ZBTB7C: variants seen among roughly 807,000 people sequenced by gnomAD.
ZBTB7C encodes zinc finger and BTB domain containing 7C, also known as zinc finger and BTB domain-containing protein 7C.
In ZBTB7C, 8 loss-of-function variants were observed where a neutral mutation model predicts 25.7. The ratio of observed to expected loss-of-function variants is 0.31; its 90% CI spans 0.18 to 0.56. ZBTB7C has a LOEUF of 0.56. Ranked by LOEUF, ZBTB7C falls within the 20% of genes least tolerant of loss-of-function variation. The pLI is 0.91. For synonymous variants in ZBTB7C, 394 were observed against 369.0 expected (o/e 1.07, Z -0.78); for missense variants, 824 against 855.2 (o/e 0.96, Z 0.46).
intron 1 of ZBTB7C, among the ~76,000 whole-genome samples, chr18:48,397,840 G>A (rs1473444860): frequency 2.0e-5 from 3 of 152,132 alleles, no homozygotes; most frequent in African/African-American, 7.2e-5. Context: ...CACGTCTTGG[G>A]CTTCTCCTGA....
intron 3 of ZBTB7C, among the ~76,000 whole-genome samples, chr18:48,042,299 A>G (rs1233584638): frequency 1.3e-5 from 2 of 152,196 alleles, no homozygotes; most frequent in Non-Finnish European, 2.9e-5. Flanking sequence ...AAATCAGAAC[A>G]ACAACAACAA....
At chr18:48,079,718 G>A (rs890144244) in intron 3 of ZBTB7C, among the ~76,000 whole-genome samples, 1 of 152,254 alleles carries the variant, frequency 6.6e-6, no homozygotes, top group Non-Finnish European at 1.5e-5. Context: ...GAGAAGGGGT[G>A]GGCTCCAGCC....
intron 3 of ZBTB7C, among the ~76,000 whole-genome samples, chr18:48,164,601 G>A (rs1463071528): frequency 6.6e-6 from 1 of 152,134 alleles, no homozygotes; most frequent in East Asian, 1.9e-4. Context: ...GCACTTGGAT[G>A]ATGCATTTTC....
At chr18:48,341,391 G>C (rs917370658) in intron 1 of ZBTB7C, among the ~76,000 whole-genome samples, 1 of 152,242 alleles carries the variant, frequency 6.6e-6, no homozygotes, top group African/African-American at 2.4e-5. Flanking sequence ...TGAAGATTTA[G>C]CTGCAGAAAA....
chr18:48,078,998 C>A (rs576522589), intron 3 of ZBTB7C, among the ~76,000 whole-genome samples: 2 of 152,148 alleles, frequency 1.3e-5, no homozygotes, highest in African/African-American at 4.8e-5. Context: ...TTGTGAATAG[C>A]GCTGCTGTGA....
chr18:48,308,970 C>G (rs1314510115), intron 2 of ZBTB7C, among the ~76,000 whole-genome samples: 2 of 152,118 alleles, frequency 1.3e-5, no homozygotes, highest in Non-Finnish European at 2.9e-5. Flanking sequence ...TGGGCTGGGA[C>G]CCCAGGAGCC....
At chr18:48,078,227 C>G (rs1433117119) in intron 3 of ZBTB7C, among the ~76,000 whole-genome samples, 2 of 152,230 alleles carry the variant, frequency 1.3e-5, no homozygotes, top group African/African-American at 2.4e-5. Context: ...TGCAATATAT[C>G]AGGTCCTGTA....
intron 3 of ZBTB7C, among the ~76,000 whole-genome samples, chr18:48,062,224 G>A (rs1037083037): frequency 3.3e-5 from 5 of 152,186 alleles, no homozygotes; most frequent in Non-Finnish European, 7.4e-5. Flanking sequence ...TGTGAAACAT[G>A]CCATTGTGTT....
At chr18:48,032,720 G>C (rs544224880) in intron 4 of ZBTB7C, among the ~76,000 whole-genome samples, 3 of 152,150 alleles carry the variant, frequency 2.0e-5, no homozygotes, top group African/African-American at 7.2e-5. Flanking sequence ...ACAGGTGTGA[G>C]CCACCGCCCC....
intron 3 of ZBTB7C, among the ~76,000 whole-genome samples, chr18:48,072,958 C>A (rs1354043810): frequency 6.6e-6 from 1 of 152,180 alleles, no homozygotes; most frequent in East Asian, 1.9e-4. Flanking sequence ...CAGCCCCACT[C>A]TCCCTTAGGA....
intron 2 of ZBTB7C, among the ~76,000 whole-genome samples, chr18:48,191,185 CAGCAGGTGGAAGATG>C (rs2042185543): frequency 6.6e-6 from 1 of 152,144 alleles, no homozygotes; most frequent in East Asian, 1.9e-4. Context: ...TCTGACCTTC[CAGCAGGTGGAAGATG>C]AGCACATGGC....
At position 48,050,621 on chromosome 18, in the gene ZBTB7C, A is replaced by G. The variant is rs557808458; in HGVS notation, c.-16-9498T>C. ...ATGCAGGCCCTTCCCACCTCACACA[A>G]TTGTGCACCCCCTCCTCTTTCCCTG... On this transcript the variant is annotated intron_variant, in intron 3 of 4. Coordinates refer to ENST00000590800, the MANE Select transcript of ZBTB7C (RefSeq NM_001318841.2). Among the ~76,000 whole-genome samples, 6 of 152,108 alleles carry G rather than the reference A, an allele frequency of 3.9e-5. No individual in the cohort carries two copies. The South Asian group carries it at 1.2e-3, about 32-fold the overall frequency.
intron 3 of ZBTB7C, among the ~76,000 whole-genome samples, chr18:48,077,283 C>T (rs2037806587): frequency 6.6e-6 from 1 of 152,014 alleles, no homozygotes; most frequent in Non-Finnish European, 1.5e-5. Context: ...ATACTTGAAA[C>T]TTAAATATTC....
At chr18:48,046,452 T>G (rs2036472627) in intron 3 of ZBTB7C, among the ~76,000 whole-genome samples, 1 of 152,224 alleles carries the variant, frequency 6.6e-6, no homozygotes, top group African/African-American at 2.4e-5. Context: ...ACCCTTCCAC[T>G]GTTAAGTAAA....
At chr18:48,368,441 C>T (rs1273817721) in intron 1 of ZBTB7C, among the ~76,000 whole-genome samples, 1 of 152,064 alleles carries the variant, frequency 6.6e-6, no homozygotes, top group African/African-American at 2.4e-5. Flanking sequence ...ATAAAAGCCT[C>T]AGGGACCTGT....
chr18:48,297,459 T>G (rs1021737114), intron 2 of ZBTB7C, among the ~76,000 whole-genome samples: 33 of 152,118 alleles, frequency 2.2e-4, no homozygotes, highest in African/African-American at 7.5e-4. Flanking sequence ...GGCTGTTCAT[T>G]GCCTCTGACT....
At chr18:48,108,435 C>G (rs1458010803) in intron 3 of ZBTB7C, among the ~76,000 whole-genome samples, 2 of 152,162 alleles carry the variant, frequency 1.3e-5, no homozygotes, top group Non-Finnish European at 2.9e-5. Context: ...GGCTTCCCTG[C>G]CCCTACCTTG....
chr18:48,412,107 A>T (rs975273266), upstream of ZBTB7C, among the ~76,000 whole-genome samples: 3 of 152,210 alleles, frequency 2.0e-5, no homozygotes, highest in East Asian at 3.9e-4. Context: ...CTCCATAGAG[A>T]TGCTGGAATG....
chr18:48,311,385 T>A (rs1040012957), intron 2 of ZBTB7C, among the ~76,000 whole-genome samples: 1 of 152,212 alleles, frequency 6.6e-6, no homozygotes. Flanking sequence ...CTTTTCTGCC[T>A]AAGAAGAAGC....
Sources: allele counts gnomAD v4.1 joint callset (sites outside exome capture counted in the v4.1 genomes callset), GRCh38; gene constraint gnomAD v4.1.1; transcripts MANE v1.5; gene names NCBI Gene and HGNC (gene_info 2026-07-23, HGNC 2026-07-21).